The following OLFM3 variants were observed in gnomAD, a reference collection of about 807,000 sequenced individuals.
The protein encoded by OLFM3 is noelin-3.
OLFM3 carries 20 observed loss-of-function variants against 48.6 expected under a neutral mutation model. The ratio of observed to expected loss-of-function variants is 0.41; its 90% CI spans 0.29 to 0.60. OLFM3 has a LOEUF of 0.60. Ranked by LOEUF, OLFM3 falls within the 20% of genes least tolerant of loss-of-function variation. OLFM3 has a pLI of 0.28. For missense variants in OLFM3, 437 were observed against 544.3 expected (o/e 0.80, Z 1.96); for synonymous variants, 222 against 198.1 (o/e 1.12, Z -1.01).
At chr1:101,897,479 A>G (rs919891656) in intron 1 of OLFM3, among the ~76,000 whole-genome samples, 4 of 152,194 alleles carry the variant, frequency 2.6e-5, no homozygotes, top group African/African-American at 7.2e-5. Flanking sequence ...ATGCCAAATT[A>G]TAATGATCTC....
At chr1:101,813,007 G>T in intron 4 of OLFM3, 2 of 1,118,856 alleles carry the variant, frequency 1.8e-6, no homozygotes, top group African/African-American at 1.7e-5. Context: ...AACTTATTTT[G>T]TACCAGAACT....
intron 1 of OLFM3, among the ~76,000 whole-genome samples, chr1:101,930,627 A>G (rs575933248): frequency 1.3e-5 from 2 of 152,308 alleles, no homozygotes; most frequent in South Asian, 2.1e-4. Context: ...GTTGGGTAGC[A>G]AAAGTATGGT....
At chr1:101,898,515 C>T (rs1432235853) in intron 1 of OLFM3, among the ~76,000 whole-genome samples, 2 of 152,092 alleles carry the variant, frequency 1.3e-5, no homozygotes, top group African/African-American at 4.8e-5. Context: ...GTTTGGGGAA[C>T]TAATTTATAT....
At chr1:101,931,823 T>C (rs1659452662) in intron 1 of OLFM3, among the ~76,000 whole-genome samples, 1 of 152,152 alleles carries the variant, frequency 6.6e-6, no homozygotes, top group African/African-American at 2.4e-5. Context: ...ACAAGAATCT[T>C]TCTGTAGCTT....
chr1:101,856,026 G>A (rs1451706092), intron 1 of OLFM3, among the ~76,000 whole-genome samples: 1 of 151,950 alleles, frequency 6.6e-6, no homozygotes, highest in Non-Finnish European at 1.5e-5. Flanking sequence ...AAACATCAAA[G>A]TATGAAAGAA....
intron 1 of OLFM3, among the ~76,000 whole-genome samples, chr1:101,843,425 G>A (rs1204617181): frequency 2.6e-5 from 4 of 152,182 alleles, no homozygotes; most frequent in South Asian, 2.1e-4. Flanking sequence ...TTCAAGAGAC[G>A]CGCCAGAGGG....
At chr1:101,943,653 TTTAAC>T (rs1362081714) in intron 1 of OLFM3, among the ~76,000 whole-genome samples, 2 of 152,214 alleles carry the variant, frequency 1.3e-5, no homozygotes, top group Non-Finnish European at 2.9e-5. Flanking sequence ...TATCTATTAT[TTTAAC>T]TTAATTTGCC....
chr1:101,843,949 CTCATCCCATTCA>C (rs1183100414), intron 1 of OLFM3, among the ~76,000 whole-genome samples: 1 of 152,108 alleles, frequency 6.6e-6, no homozygotes, highest in Non-Finnish European at 1.5e-5. Context: ...ATATTGCAAA[CTCATCCCATTCA>C]TACTGTTTAA....
chr1:101,873,473 G>GTCA (rs1343400146), intron 1 of OLFM3, among the ~76,000 whole-genome samples: 1 of 151,786 alleles, frequency 6.6e-6, no homozygotes, highest in Non-Finnish European at 1.5e-5. Context: ...TATCATGTTA[G>GTCA]TCATTTGTGG....
In OLFM3 at chr1:101,922,074, C is replaced by A. The variant is rs976435720; in HGVS notation, c.69+74674G>T. On this transcript the variant is annotated intron_variant, in intron 1 of 5. Transcript: ENST00000370103. Reference sequence around the variant, plus strand: ...ACTCCATCTCAAAAAAAAAAGGGAACCTGCCTAAAATTGTACCACAAGACA... The same window carrying A: ...ACTCCATCTCAAAAAAAAAAGGGAAACTGCCTAAAATTGTACCACAAGACA... 2.6e-5 allele frequency among the ~76,000 whole-genome samples: 4 copies of A among 151,850 alleles called. No individual in the cohort carries two copies. The South Asian group carries it at 6.3e-4, about 24-fold the overall frequency.
chr1:101,907,360 G>C (rs138056652), intron 1 of OLFM3, among the ~76,000 whole-genome samples: 1 of 152,262 alleles, frequency 6.6e-6, no homozygotes, highest in East Asian at 1.9e-4. Flanking sequence ...CTCTGCTCTG[G>C]AAGAGCCAGG....
chr1:101,965,199 A>G (rs1260947553), intron 1 of OLFM3, among the ~76,000 whole-genome samples: 1 of 152,216 alleles, frequency 6.6e-6, no homozygotes, highest in African/African-American at 2.4e-5. Context: ...TTTGGCAAAA[A>G]TTAACTTCAA....
intron 1 of OLFM3, among the ~76,000 whole-genome samples, chr1:101,949,138 C>G (rs1660044557): frequency 1.3e-5 from 2 of 151,996 alleles, no homozygotes; most frequent in Non-Finnish European, 2.9e-5. Flanking sequence ...CTGAGTTTTA[C>G]AATAAATATC....
intron 1 of OLFM3, among the ~76,000 whole-genome samples, chr1:101,866,400 G>A (rs143101306): frequency 6.8e-6 from 1 of 146,392 alleles, no homozygotes; most frequent in Admixed American, 6.8e-5. Context: ...TGCAATTTAT[G>A]TATTGAATCA....
intron 1 of OLFM3, among the ~76,000 whole-genome samples, chr1:101,858,855 A>G (rs1336262905): frequency 6.6e-6 from 1 of 152,058 alleles, no homozygotes; most frequent in Non-Finnish European, 1.5e-5. Flanking sequence ...TAAATTACCC[A>G]GTCTCAGGTA....
At chr1:101,995,326 A>C (rs938603854) in intron 1 of OLFM3, among the ~76,000 whole-genome samples, 2 of 152,150 alleles carry the variant, frequency 1.3e-5, no homozygotes, top group Non-Finnish European at 2.9e-5. Flanking sequence ...GTGTCACTAC[A>C]GGGTGCAGAG....
chr1:101,932,077 A>G (rs1007266011), intron 1 of OLFM3, among the ~76,000 whole-genome samples: 1 of 152,202 alleles, frequency 6.6e-6, no homozygotes, highest in African/African-American at 2.4e-5. Flanking sequence ...TAAAAAGTGT[A>G]GAGTGTGATT....
At chr1:101,886,402 G>A (rs1463952650) in intron 1 of OLFM3, among the ~76,000 whole-genome samples, 1 of 152,044 alleles carries the variant, frequency 6.6e-6, no homozygotes, top group Non-Finnish European at 1.5e-5. Context: ...GGGAAGGGAG[G>A]AGGCCGGCTG....
chr1:101,939,819 G>A (rs1243722210), intron 1 of OLFM3, among the ~76,000 whole-genome samples: 1 of 152,110 alleles, frequency 6.6e-6, no homozygotes, highest in Non-Finnish European at 1.5e-5. Flanking sequence ...CTTGTTTTTT[G>A]TTGGTGAGAG....
Sources: gnomAD v4.1 joint callset for allele counts (sites outside exome capture counted in the v4.1 genomes callset) on GRCh38, gnomAD v4.1.1 for gene constraint, MANE v1.5 for transcripts, NCBI Gene and HGNC (gene_info 2026-07-23, HGNC 2026-07-21) for gene names.